Variants in USO1 observed in about 807,000 individuals in gnomAD.
USO1 encodes the protein USO1 vesicle transport factor.
In USO1, 57 loss-of-function variants were observed where a neutral mutation model predicts 124.5. That is an observed-to-expected ratio of 0.46 (90% CI 0.37 to 0.57). USO1 has a LOEUF of 0.57. Among genes scored for constraint, USO1 ranks in the 20% least tolerant of loss-of-function variants. The pLI is 0.00. For missense variants in USO1, 900 were observed against 1,040.6 expected, an observed-to-expected ratio of 0.86 and a Z score of 1.86; for synonymous variants, 369 against 362.8, an observed-to-expected ratio of 1.02 and a Z score of -0.19.
chr4:75,810,252 A>G (rs1057486170), intron 21 of USO1, among the ~76,000 whole-genome samples, 180 bp from the exon 22 acceptor site: 3 of 152,244 alleles, frequency 2.0e-5, no homozygotes, highest in Non-Finnish European at 4.4e-5. Flanking sequence ...ATGCTCTTCC[A>G]TGTGGGAACA....
intron 1 of USO1, among the ~76,000 whole-genome samples, chr4:75,738,780 C>T (rs1180424520): frequency 5.3e-5 from 8 of 151,942 alleles, no homozygotes; most frequent in Non-Finnish European, 1.2e-4. Context: ...TGTGCCGGGC[C>T]AAGTATATAT....
At position 75,724,596 on chromosome 4, in the gene USO1, C is replaced by T. The variant is rs907874980; in HGVS notation, c.-224C>T. On this transcript the variant is annotated 5_prime_UTR_variant, in exon 1 of 24. Coordinates refer to ENST00000514213, the MANE Select transcript of USO1 (RefSeq NM_003715.4). ...CCGCTCCCCTTTTGCCTTCAACCTT[C>T]GAGCCGCCACGTAATGCCACGTCCC... The T allele has an allele frequency of 3.6e-6, 2 of 561,704 alleles. No individual in the cohort carries two copies. The highest frequency in any genetic ancestry group is 3.3e-5 in the Admixed American group (1 of 30,096). The allele number at this position is 561,704 out of a possible 1,614,324, so 34.8% of individuals were successfully genotyped here.
At chr4:75,750,572 C>T (rs1003178296) in intron 1 of USO1, among the ~76,000 whole-genome samples, 5 of 152,104 alleles carry the variant, frequency 3.3e-5, no homozygotes, top group Non-Finnish European at 2.9e-5. Flanking sequence ...CAACCTCTGC[C>T]TCCCGGGTTC....
chr4:75,810,350 C>A, intron 21 of USO1, 82 bp from the exon 22 acceptor site: 1 of 1,412,100 alleles, frequency 7.1e-7, no homozygotes, highest in Non-Finnish European at 9.3e-7. Flanking sequence ...ATCAAAATGG[C>A]AAAAAAATTA....
At chr4:75,732,127 G>A (rs1720649678) in intron 1 of USO1, among the ~76,000 whole-genome samples, 1 of 152,156 alleles carries the variant, frequency 6.6e-6, no homozygotes, top group Admixed American at 6.5e-5. Flanking sequence ...GATGGTACCT[G>A]ATGGGTAGTT....
intron 1 of USO1, among the ~76,000 whole-genome samples, chr4:75,744,485 T>C (rs1721064465): frequency 6.6e-6 from 1 of 152,208 alleles, no homozygotes; most frequent in African/African-American, 2.4e-5. Context: ...AGTGGTGTGA[T>C]CTTGGCTCAC....
chr4:75,752,786 A>C (rs1312327275), intron 3 of USO1, among the ~76,000 whole-genome samples, 182 bp downstream of exon 3: 1 of 152,160 alleles, frequency 6.6e-6, no homozygotes, highest in Non-Finnish European at 1.5e-5. Flanking sequence ...TCGGCCTCCC[A>C]AAGTGCTGGG....
chr4:75,777,333 T>C (rs1300997882), intron 8 of USO1, among the ~76,000 whole-genome samples: 1 of 152,060 alleles, frequency 6.6e-6, no homozygotes, highest in Non-Finnish European at 1.5e-5. Context: ...TAGAAAAAAA[T>C]TGATAAATGA....
At chr4:75,783,795 G>A (rs1722287339) in intron 9 of USO1, among the ~76,000 whole-genome samples, 1 of 152,108 alleles carries the variant, frequency 6.6e-6, no homozygotes, top group Admixed American at 6.6e-5. Context: ...AAGTGTCCTG[G>A]TTTGGATTAT....
chr4:75,790,595 C>T (rs200526604), intron 11 of USO1, 48 bp from the exon 12 acceptor site: 1 of 1,571,498 alleles, frequency 6.4e-7, no homozygotes, highest in East Asian at 2.3e-5. Context: ...GACTTGTATA[C>T]TTGGGTTGCA....
At chr4:75,788,852 T>TA (rs1297866720) in intron 10 of USO1, among the ~76,000 whole-genome samples, 1 of 151,860 alleles carries the variant, frequency 6.6e-6, no homozygotes, top group Admixed American at 6.6e-5. Flanking sequence ...CTTAATTTTC[T>TA]AAAAAAAAGA....
chr4:75,737,884 G>A (rs542336388), intron 1 of USO1, among the ~76,000 whole-genome samples: 159 of 151,930 alleles, frequency 1.0e-3, no homozygotes, highest in African/African-American at 3.7e-3. Context: ...CTGGAGTGTA[G>A]TGGCGTGATC....
At chr4:75,774,602 T>C (rs1460177665) in intron 7 of USO1, 74 bp from the exon 8 acceptor site, 1 of 1,506,022 alleles carries the variant, frequency 6.6e-7, no homozygotes, top group Non-Finnish European at 8.9e-7. Context: ...TCTAAAATTC[T>C]GTGATTTTTG....
chr4:75,724,648 G>GGCA lies in USO1; in HGVS notation c.-170_-169insAGC. 1.6e-6 allele frequency: 1 copy of GGCA among 620,428 alleles called. No homozygotes were observed. The highest frequency in any genetic ancestry group is 2.8e-6 in the Non-Finnish European group (1 of 357,200). 38.4% of individuals were successfully genotyped at this position (620,428 alleles called of 1,614,324 possible). On this transcript the variant is annotated 5_prime_UTR_variant, in exon 1 of 24. Coordinates refer to ENST00000514213, the MANE Select transcript of USO1 (RefSeq NM_003715.4). ...GCGCATGCGCATCTTGGCCGCTGCT[G>GGCA]GCGGCTGTTTCCGGGCTTAGAGGGC...
At position 75,800,377 on chromosome 4, in the gene USO1, T is replaced by TGGA. The variant is rs774650913; in HGVS notation, c.1592_1594dup (p.Gly531dup). 6.3e-7 allele frequency: 1 copy of TGGA among 1,597,102 alleles called. No individual in the cohort carries two copies. Among genetic ancestry groups the TGGA allele is most frequent in the South Asian group, 1.1e-5 (1 of 87,826 alleles). ...TTACAGGACAAATTGCAGAAAATCT[T>TGGA]GGAGAAGAAGAGCAGTTGGTCCAAG... On this transcript the variant is annotated inframe_insertion, in exon 15 of 24. Coordinates refer to ENST00000514213, the MANE Select transcript of USO1 (RefSeq NM_003715.4).
intron 1 of USO1, among the ~76,000 whole-genome samples, chr4:75,729,121 A>G (rs1200264629): frequency 2.0e-5 from 3 of 151,822 alleles, no homozygotes; most frequent in Non-Finnish European, 2.9e-5. Context: ...TTTACATTTC[A>G]TTTCTCTTTT....
At chr4:75,730,822 T>G (rs55664143) in intron 1 of USO1, among the ~76,000 whole-genome samples, 83,192 of 151,826 alleles carry the variant, frequency 0.55, 24,069 homozygotes, top group East Asian at 0.81. Context: ...AAACTTTTTT[T>G]TTTTTTTAAA....
intron 21 of USO1, among the ~76,000 whole-genome samples, chr4:75,809,627 A>G (rs544564958): frequency 2.7e-4 from 41 of 152,326 alleles, no homozygotes; most frequent in African/African-American, 7.5e-4. Flanking sequence ...CCACTTTATA[A>G]CAAGGATTGC....
chr4:75,805,707 T>C (rs1381029508), intron 19 of USO1, among the ~76,000 whole-genome samples: 1 of 142,486 alleles, frequency 7.0e-6, no homozygotes, highest in Non-Finnish European at 1.5e-5. Flanking sequence ...AGACTTTCCA[T>C]CTAAAAAAAA....
Sources: gnomAD v4.1 joint callset for allele counts (sites outside exome capture counted in the v4.1 genomes callset) on GRCh38, gnomAD v4.1.1 for gene constraint, MANE v1.5 for transcripts, NCBI Gene and HGNC (gene_info 2026-07-23, HGNC 2026-07-21) for gene names.